Variants in SLC14A2 observed in about 807,000 individuals in gnomAD.
SLC14A2 encodes the protein urea transporter 2.
A neutral mutation model predicts 104.6 loss-of-function variants in SLC14A2; 91 were observed. The observed-to-expected ratio is 0.87, with a 90% CI of 0.73 to 1.04. The LOEUF (loss-of-function observed/expected upper bound fraction) is 1.04. SLC14A2 is among the 50% of genes least tolerant of loss of function. The pLI, the probability that SLC14A2 is intolerant of heterozygous loss-of-function variation, is 0.00. For synonymous variants in SLC14A2, 476 were observed against 466.4 expected, an observed-to-expected ratio of 1.02 and a Z score of -0.27; for missense variants, 1,189 against 1,156.0, an observed-to-expected ratio of 1.03 and a Z score of -0.41.
At chr18:45,390,313 C>A (rs193144546) in intron 1 of SLC14A2, among the ~76,000 whole-genome samples, 103 of 152,218 alleles carry the variant, frequency 6.8e-4, no homozygotes, top group Non-Finnish European at 4.3e-4. Context: ...AGTGAACAAT[C>A]TCAGGAGTAT....
intron 2 of SLC14A2, among the ~76,000 whole-genome samples, chr18:45,605,119 G>A (rs541852956): frequency 3.3e-5 from 5 of 152,286 alleles, no homozygotes; most frequent in African/African-American, 1.2e-4. Flanking sequence ...TCCAGGGCCT[G>A]CATGAGCAAC....
the SLC14A2 span, among the ~76,000 whole-genome samples, chr18:45,190,429 T>C: frequency 6.6e-6 from 1 of 152,334 alleles, no homozygotes; most frequent in African/African-American, 2.4e-5. Flanking sequence ...ACAGTTTCCC[T>C]CCTCTCATCC....
In SLC14A2 at chr18:45,391,904, T is replaced by C. The variant is rs185155344; in HGVS notation, c.-124-91329T>C. On this transcript the variant is annotated intron_variant, in intron 1 of 20. Transcript: ENST00000586448. ...CTGTTCACTCTGATGGTGGTTTCTT[T>C]TGCTGTGCAGAAGCTCTTTGGTTTA... 3.9e-3 allele frequency among the ~76,000 whole-genome samples: 590 copies of C among 152,358 alleles called. 3 individuals carry two copies. Among genetic ancestry groups the C allele is most frequent in the African/African-American group, 0.013 (548 of 41,584 alleles).
At chr18:45,588,390 GA>G (rs2044598331) in intron 2 of SLC14A2, among the ~76,000 whole-genome samples, 1 of 152,158 alleles carries the variant, frequency 6.6e-6, no homozygotes, top group Non-Finnish European at 1.5e-5. Flanking sequence ...CTTGGCAGTG[GA>G]TTCTGTCTCA....
intron 1 of SLC14A2, among the ~76,000 whole-genome samples, chr18:45,370,128 G>A (rs768662608): frequency 3.9e-5 from 6 of 152,064 alleles, no homozygotes; most frequent in African/African-American, 7.3e-5. Flanking sequence ...CCCCATATCA[G>A]AGGCAACCCT....
At chr18:45,447,319 A>G (rs2086786894) in intron 1 of SLC14A2, 1 of 152,236 alleles carries the variant, frequency 6.6e-6, no homozygotes, top group African/African-American at 2.4e-5. Context: ...TGACCTCCGG[A>G]TAACCAGGTA....
intron 13 of SLC14A2, among the ~76,000 whole-genome samples, chr18:45,667,340 C>T (rs2046042781): frequency 6.6e-6 from 1 of 152,174 alleles, no homozygotes; most frequent in African/African-American, 2.4e-5. Context: ...CAGAACACTT[C>T]TGCTATCTCA....
At chr18:45,540,541 A>G (rs1365873508) in intron 2 of SLC14A2, among the ~76,000 whole-genome samples, 4 of 152,040 alleles carry the variant, frequency 2.6e-5, no homozygotes, top group African/African-American at 9.7e-5. Flanking sequence ...TCAGGAGTTC[A>G]ACACCGACCT....
intron 2 of SLC14A2, among the ~76,000 whole-genome samples, chr18:45,485,606 G>C (rs41358246): frequency 0.075 from 11,409 of 152,274 alleles, 557 homozygotes; most frequent in East Asian, 0.21. Flanking sequence ...AAACAACACT[G>C]TGTGGCCAGC....
At chr18:45,458,294 G>T (rs1444034628) in intron 1 of SLC14A2, among the ~76,000 whole-genome samples, 1 of 152,162 alleles carries the variant, frequency 6.6e-6, no homozygotes, top group African/African-American at 2.4e-5. Context: ...CCTCTCATTA[G>T]TCTCCATTTG....
At chr18:45,481,233 C>T (rs527959705) in intron 1 of SLC14A2, among the ~76,000 whole-genome samples, 1 of 152,100 alleles carries the variant, frequency 6.6e-6, no homozygotes, top group Non-Finnish European at 1.5e-5. Context: ...CCTCTTTGTG[C>T]CTGCATATTC....
At chr18:45,195,876 A>G in the SLC14A2 span, among the ~76,000 whole-genome samples, 3 of 152,204 alleles carry the variant, frequency 2.0e-5, no homozygotes, top group African/African-American at 7.2e-5. Flanking sequence ...TTTTTAAAAG[A>G]AAAATATGAG....
At chr18:45,484,245 C>A (rs949633164) in intron 2 of SLC14A2, among the ~76,000 whole-genome samples, 1 of 152,058 alleles carries the variant, frequency 6.6e-6, no homozygotes, top group Non-Finnish European at 1.5e-5. Flanking sequence ...CACTTCCTAC[C>A]CAACTTGGCC....
intron 1 of SLC14A2, among the ~76,000 whole-genome samples, chr18:45,619,607 C>G (rs923312062): frequency 6.6e-6 from 1 of 152,148 alleles, no homozygotes; most frequent in African/African-American, 2.4e-5. Context: ...CAAGGAGAGT[C>G]TGAGTGCGCC....
At chr18:45,451,441 C>G (rs13381323) in intron 1 of SLC14A2, among the ~76,000 whole-genome samples, 1 of 151,532 alleles carries the variant, frequency 6.6e-6, no homozygotes, top group Non-Finnish European at 1.5e-5. Flanking sequence ...GGAAAAATAA[C>G]TATCTGATCC....
intron 1 of SLC14A2, among the ~76,000 whole-genome samples, chr18:45,255,668 C>T (rs1030117436): frequency 2.6e-5 from 4 of 152,160 alleles, no homozygotes; most frequent in East Asian, 1.9e-4. Context: ...TGCTAGGTCA[C>T]GTGGTGTCCA....
upstream of SLC14A2, among the ~76,000 whole-genome samples, chr18:45,210,221 T>C (rs2083950685): frequency 6.6e-6 from 1 of 152,206 alleles, no homozygotes; most frequent in African/African-American, 2.4e-5. Context: ...CTGCACCTGA[T>C]ATTCTCCAAC....
chr18:45,363,122 G>A (rs1046337693), intron 1 of SLC14A2, among the ~76,000 whole-genome samples: 7 of 152,028 alleles, frequency 4.6e-5, no homozygotes, highest in East Asian at 3.9e-4. Flanking sequence ...ATTTCACAGC[G>A]ATATTGTTTT....
intron 2 of SLC14A2, among the ~76,000 whole-genome samples, chr18:45,580,128 G>C (rs1185287792): frequency 6.6e-6 from 1 of 152,184 alleles, no homozygotes; most frequent in South Asian, 2.1e-4. Context: ...TTTGTGTTTA[G>C]GAAGAAGTCT....
Sources: gnomAD v4.1 joint callset for allele counts (sites outside exome capture counted in the v4.1 genomes callset) on GRCh38, gnomAD v4.1.1 for gene constraint, MANE v1.5 for transcripts, NCBI Gene and HGNC (gene_info 2026-07-23, HGNC 2026-07-21) for gene names.